Variants in MAP4K5 observed in about 807,000 individuals in gnomAD.
MAP4K5 encodes mitogen-activated protein kinase kinase kinase kinase 5.
Under a neutral mutation model 135.6 loss-of-function variants are expected in MAP4K5, and 82 were observed. The observed-to-expected ratio is 0.60, with a 90% CI of 0.51 to 0.73. The LOEUF (loss-of-function observed/expected upper bound fraction) is 0.73. MAP4K5 is among the 30% of genes least tolerant of loss of function. The pLI is 0.00. For missense variants in MAP4K5, 907 were observed against 1,010.9 expected, an observed-to-expected ratio of 0.90 and a Z score of 1.39; for synonymous variants, 347 against 335.0, an observed-to-expected ratio of 1.04 and a Z score of -0.39.
chr14:50,447,523 A>T, intron 15 of MAP4K5, 42 bp from the exon 16 acceptor site: 1 of 1,101,232 alleles, frequency 9.1e-7, no homozygotes, highest in South Asian at 1.4e-5. Flanking sequence ...ACTTTGTAAC[A>T]GGTATTAACC....
intron 3 of MAP4K5, 125 bp from the exon 4 acceptor site, chr14:50,486,319 T>A: frequency 2.0e-6 from 1 of 490,392 alleles, no homozygotes; most frequent in Non-Finnish European, 3.6e-6. Context: ...TCAATGAAAA[T>A]GTAAACTGGT....
At chr14:50,536,215 TG>T (rs1369197964), upstream of MAP4K5, among the ~76,000 whole-genome samples, 3 of 152,118 alleles carry the variant, frequency 2.0e-5, no homozygotes, top group African/African-American at 7.2e-5. Flanking sequence ...GAGGCCAAGG[TG>T]GGCGGATCAT....
chr14:50,469,266 C>T (rs971378700), intron 9 of MAP4K5, among the ~76,000 whole-genome samples: 1 of 152,126 alleles, frequency 6.6e-6, no homozygotes, highest in Non-Finnish European at 1.5e-5. Flanking sequence ...TGCTGGCTAC[C>T]AGTCTGTGAT....
chr14:50,513,273 A>T (rs1363398067), intron 2 of MAP4K5, among the ~76,000 whole-genome samples: 1 of 152,150 alleles, frequency 6.6e-6, no homozygotes, highest in Non-Finnish European at 1.5e-5. Context: ...AAGTATTTCA[A>T]CTCAAGCCCT....
In MAP4K5 at chr14:50,468,700, T is replaced by C. The variant is rs774052245; in HGVS notation, c.625A>G (p.Ile209Val). 14 of 1,613,266 alleles carry C rather than the reference T, an allele frequency of 8.7e-6. No homozygotes were observed. Among genetic ancestry groups the C allele is most frequent in the Middle Eastern group, 1.6e-4 (1 of 6,082 alleles). ...CDIWAVGITA[I>V]ELGELQPPMF... is the part of the protein sequence containing the mutation. The stretch of plus-strand genomic sequence containing the variant: ...GGTGGCTGAAGTTCTCCAAGTTCAA[T>C]TGCTGTTATTCCTACTGCCCAGATA... The change falls in exon 10 of 33, where the codon ATT (isoleucine) becomes GTT (valine). Residue 209 changes from isoleucine (I) to valine (V), a missense_variant. Coordinates refer to ENST00000682126, the MANE Select transcript of MAP4K5 (RefSeq NM_006575.6).
intron 3 of MAP4K5, among the ~76,000 whole-genome samples, chr14:50,496,948 A>G (rs1286270747): frequency 6.6e-6 from 1 of 152,242 alleles, no homozygotes; most frequent in African/African-American, 2.4e-5. Context: ...CTCTTAATTA[A>G]TATTTGCAAT....
chr14:50,451,664 G>GTT (rs61195840), intron 14 of MAP4K5, among the ~76,000 whole-genome samples: 2 of 147,534 alleles, frequency 1.4e-5, no homozygotes, highest in East Asian at 3.9e-4. Flanking sequence ...TATGTTACAG[G>GTT]TTTTTTTTTT....
intron 18 of MAP4K5, among the ~76,000 whole-genome samples, chr14:50,444,633 T>C (rs984639239): frequency 6.6e-6 from 1 of 152,184 alleles, no homozygotes; most frequent in Non-Finnish European, 1.5e-5. Flanking sequence ...TCCCCATCTT[T>C]ATCTCCCTCA....
At chr14:50,544,314 T>G (rs1037787305) in intron 1 of MAP4K5, among the ~76,000 whole-genome samples, 1 of 152,228 alleles carries the variant, frequency 6.6e-6, no homozygotes, top group Non-Finnish European at 1.5e-5. Context: ...TTCTCTGTCC[T>G]TACTATCAGA....
At chr14:50,491,593 A>G (rs1331911683) in intron 3 of MAP4K5, among the ~76,000 whole-genome samples, 1 of 152,098 alleles carries the variant, frequency 6.6e-6, no homozygotes, top group Non-Finnish European at 1.5e-5. Context: ...CACAGCACGC[A>G]GCTTATTATC....
chr14:50,420,748 A>C (rs975163385), intron 32 of MAP4K5, among the ~76,000 whole-genome samples: 1 of 152,224 alleles, frequency 6.6e-6, no homozygotes, highest in African/African-American at 2.4e-5. Flanking sequence ...AGAGAATAAA[A>C]TAGGACTCTA....
At chr14:50,529,706 G>A (rs1462835727) in intron 2 of MAP4K5, among the ~76,000 whole-genome samples, 3 of 152,100 alleles carry the variant, frequency 2.0e-5, no homozygotes, top group Non-Finnish European at 4.4e-5. Flanking sequence ...AAAAAAGATC[G>A]GGAGGATGTG....
intron 1 of MAP4K5, among the ~76,000 whole-genome samples, chr14:50,555,221 G>C (rs915208373): frequency 6.6e-6 from 1 of 152,160 alleles, no homozygotes; most frequent in Non-Finnish European, 1.5e-5. Flanking sequence ...GAAGCCCCAA[G>C]TGAAAGATGG....
intron 3 of MAP4K5, among the ~76,000 whole-genome samples, chr14:50,492,937 G>A (rs1383389831): frequency 6.6e-6 from 1 of 151,838 alleles, no homozygotes; most frequent in Admixed American, 6.6e-5. Context: ...AGGAGGCTGG[G>A]GTGGGAGGAC....
chr14:50,424,587 G>A (rs1387643550), intron 31 of MAP4K5, among the ~76,000 whole-genome samples: 1 of 151,696 alleles, frequency 6.6e-6, no homozygotes, highest in Non-Finnish European at 1.5e-5. Context: ...GTGCATGCCT[G>A]TAATCCCAGC....
intron 18 of MAP4K5, 100 bp from the exon 19 acceptor site, chr14:50,444,136 G>T: frequency 1.3e-6 from 1 of 791,102 alleles, no homozygotes; most frequent in Non-Finnish European, 2.1e-6. Context: ...TCACTTGGGT[G>T]ATCCTTTATT....
At chr14:50,445,332 T>C in intron 17 of MAP4K5, 138 bp from the exon 18 acceptor site, 1 of 619,724 alleles carries the variant, frequency 1.6e-6, no homozygotes, top group East Asian at 3.0e-5. Context: ...AAGAGGTGAG[T>C]TACTGCCCAA....
chr14:50,475,085 G>C lies in MAP4K5; in HGVS notation c.534C>G (p.Thr178=). 1.9e-6 allele frequency: 3 copies of C among 1,613,042 alleles called. No homozygotes were observed. Among genetic ancestry groups the C allele is most frequent in the East Asian group, 2.2e-5 (1 of 44,830 alleles). Residue 178 remains threonine, a synonymous_variant, in exon 9 of 33, where the codon ACC becomes ACG. Coordinates refer to ENST00000682126, the MANE Select transcript of MAP4K5 (RefSeq NM_006575.6). ...TCACAGTAATGTCTTACCAGTAAGG[G>C]GTGCCAATGAAAGATTTTCGTTTTG... ...TIAKRKSFIG[T]PYWMAPEVAA... is the part of the protein sequence containing the mutation.
At position 50,428,769 on chromosome 14, in the gene MAP4K5, A is replaced by C. The variant is rs78228165; in HGVS notation, c.2234-15T>G. 4.9e-6 allele frequency: 6 copies of C among 1,213,176 alleles called. No individual in the cohort carries two copies. The highest frequency in any genetic ancestry group is 6.9e-6 in the Non-Finnish European group (6 of 870,478). 75.2% of individuals were successfully genotyped at this position (1,213,176 alleles called of 1,614,324 possible). A position where few individuals can be genotyped will look rare whatever the true frequency, so the allele number is the denominator to read the frequency against. ...TTTCACAAATTCTTAAAAAAAAAAA[A>C]CAAGTCAAGACTGGACATGCAAATC... On this transcript the variant is annotated splice_polypyrimidine_tract_variant and intron_variant, in intron 29 of 32. Coordinates refer to ENST00000682126, the MANE Select transcript of MAP4K5 (RefSeq NM_006575.6).
Sources: allele counts gnomAD v4.1 joint callset (sites outside exome capture counted in the v4.1 genomes callset), GRCh38; gene constraint gnomAD v4.1.1; transcripts MANE v1.5; gene names NCBI Gene and HGNC (gene_info 2026-07-23, HGNC 2026-07-21).